BCR: variants seen among roughly 807,000 people sequenced by gnomAD.
The protein encoded by BCR is breakpoint cluster region protein.
A neutral mutation model predicts 138.6 loss-of-function variants in BCR; 58 were observed. The ratio of observed to expected loss-of-function variants is 0.42; its 90% CI spans 0.34 to 0.52. The LOEUF (loss-of-function observed/expected upper bound fraction) is 0.52. BCR is among the 20% of genes least tolerant of loss of function. The probability of loss-of-function intolerance (pLI) is 0.06; values close to 1 mark genes in which losing one functional copy is unlikely to be tolerated. For synonymous variants in BCR, 786 were observed against 730.1 expected (o/e 1.08, Z -1.23); for missense variants, 1,599 against 1,727.2 (o/e 0.93, Z 1.32).
At chr22:23,253,200 G>A (rs1201723691) in intron 1 of BCR, among the ~76,000 whole-genome samples, 4 of 152,308 alleles carry the variant, frequency 2.6e-5, no homozygotes, top group Middle Eastern at 3.4e-3. Flanking sequence ...ATGCCCTCTC[G>A]GGGCACTGCC....
intron 16 of BCR, among the ~76,000 whole-genome samples, chr22:23,305,899 A>G (rs1343628055): frequency 6.6e-6 from 1 of 151,746 alleles, no homozygotes; most frequent in Non-Finnish European, 1.5e-5. Flanking sequence ...TTAAGGGAAA[A>G]CTGTTTCCCC....
intron 2 of BCR, chr22:23,254,419 T>G: frequency 2.0e-6 from 1 of 506,778 alleles, no homozygotes; most frequent in Non-Finnish European, 4.0e-6. Flanking sequence ...CACTTGACCC[T>G]CATTAATAAT....
chr22:23,219,636 A>G (rs2072799613), intron 1 of BCR, among the ~76,000 whole-genome samples: 1 of 152,206 alleles, frequency 6.6e-6, no homozygotes, highest in African/African-American at 2.4e-5. Flanking sequence ...GCTCGTGGGC[A>G]CTGGCGGTGC....
chr22:23,262,140 G>T (rs2073368236), intron 4 of BCR: 1 of 142,194 alleles, frequency 7.0e-6, no homozygotes, highest in East Asian at 2.1e-4. Context: ...ATCACACCCT[G>T]TGTGCACACA....
At chr22:23,233,957 G>A (rs942688881) in intron 1 of BCR, among the ~76,000 whole-genome samples, 3 of 151,904 alleles carry the variant, frequency 2.0e-5, no homozygotes, top group African/African-American at 4.8e-5. Context: ...CTGGGTGGTC[G>A]CTGACCAAAA....
chr22:23,241,759 G>A (rs1411204510), intron 1 of BCR, among the ~76,000 whole-genome samples: 1 of 152,094 alleles, frequency 6.6e-6, no homozygotes, highest in Non-Finnish European at 1.5e-5. Flanking sequence ...AGTGACCATC[G>A]CAGAAGCCCC....
At chr22:23,196,573 C>A (rs1460809935) in intron 1 of BCR, among the ~76,000 whole-genome samples, 2 of 152,132 alleles carry the variant, frequency 1.3e-5, no homozygotes, top group Admixed American at 1.3e-4. Flanking sequence ...CAGTCCCCAG[C>A]CTCCTTTTTG....
At chr22:23,307,779 A>T (rs1043236213) in intron 16 of BCR, 1 of 130,592 alleles carries the variant, frequency 7.7e-6, no homozygotes, top group Non-Finnish European at 1.6e-5. Context: ...GAAGGGGTCA[A>T]CCCCCAGGTG....
chr22:23,284,975 G>C, intron 9 of BCR, 58 bp from the exon 10 acceptor site: 3 of 1,564,912 alleles, frequency 1.9e-6, no homozygotes, highest in South Asian at 2.4e-5. Flanking sequence ...TGACAGCAGT[G>C]ACATCAGCCA....
At chr22:23,297,497 G>A (rs1393927428) in intron 16 of BCR, among the ~76,000 whole-genome samples, 2 of 152,076 alleles carry the variant, frequency 1.3e-5, no homozygotes, top group Admixed American at 6.5e-5. Context: ...GGGAGGTAGA[G>A]GGAGCAGACT....
rs1234536662 is a variant in BCR, at chr22:23,309,297, A to G, written c.3013-127A>G. Reference sequence around the variant, plus strand: ...TCTACCTCTGTTGGCCTCTGGATGGAGGTGCTGGCCGCAGTCGGGCTCTGC... The same window carrying G: ...TCTACCTCTGTTGGCCTCTGGATGGGGGTGCTGGCCGCAGTCGGGCTCTGC... On this transcript the variant is annotated intron_variant, in intron 16 of 22. Coordinates refer to ENST00000305877, the MANE Select transcript of BCR (RefSeq NM_004327.4). The G allele has an allele frequency of 7.0e-6, 6 of 858,146 alleles. No homozygotes were observed. The Admixed American group carries it at 1.3e-4, about 18-fold the overall frequency. 53.2% of individuals were successfully genotyped at this position (858,146 alleles called of 1,614,324 possible).
At chr22:23,282,879 C>T (rs575063079) in intron 8 of BCR, among the ~76,000 whole-genome samples, 4 of 152,212 alleles carry the variant, frequency 2.6e-5, no homozygotes, top group African/African-American at 9.6e-5. Context: ...CTCTCTGCCA[C>T]GAGGTTGTGG....
chr22:23,267,185 T>A (rs554471489), intron 4 of BCR, among the ~76,000 whole-genome samples: 78 of 152,156 alleles, frequency 5.1e-4, no homozygotes, highest in Non-Finnish European at 8.8e-4. Context: ...CCTTGGCTGC[T>A]TTGTACCAAG....
chr22:23,215,999 T>C (rs113419536), intron 1 of BCR, among the ~76,000 whole-genome samples: 9 of 152,298 alleles, frequency 5.9e-5, no homozygotes, highest in African/African-American at 2.2e-4. Flanking sequence ...GCTGAGCTGG[T>C]AATTACCAAG....
At chr22:23,213,087 T>G (rs886803228) in intron 1 of BCR, among the ~76,000 whole-genome samples, 7 of 152,204 alleles carry the variant, frequency 4.6e-5, no homozygotes, top group African/African-American at 1.7e-4. Flanking sequence ...ACCTCCCTTG[T>G]CTAGTTTTGT....
At chr22:23,205,467 G>A (rs1411429574) in intron 1 of BCR, among the ~76,000 whole-genome samples, 2 of 152,158 alleles carry the variant, frequency 1.3e-5, no homozygotes, top group African/African-American at 2.4e-5. Context: ...CTGGAACTTT[G>A]CACTTGGGTT....
intron 1 of BCR, among the ~76,000 whole-genome samples, chr22:23,201,862 G>T (rs1360845743): frequency 6.6e-6 from 1 of 152,144 alleles, no homozygotes; most frequent in Non-Finnish European, 1.5e-5. Flanking sequence ...GTTTTGAAAG[G>T]CTGGCATCTC....
chr22:23,236,054 C>T (rs1441852669), intron 1 of BCR, among the ~76,000 whole-genome samples: 1 of 152,212 alleles, frequency 6.6e-6, no homozygotes, highest in Non-Finnish European at 1.5e-5. Context: ...GCTGCTGGAC[C>T]TTGCATATGG....
At chr22:23,282,298 C>T (rs1335340478) in intron 8 of BCR, among the ~76,000 whole-genome samples, 1 of 152,230 alleles carries the variant, frequency 6.6e-6, no homozygotes, top group Non-Finnish European at 1.5e-5. Context: ...CCGTGGGTGC[C>T]GTCACCAGGC....
Sources: gnomAD v4.1 joint callset for allele counts (sites outside exome capture counted in the v4.1 genomes callset) on GRCh38, gnomAD v4.1.1 for gene constraint, MANE v1.5 for transcripts, NCBI Gene and HGNC (gene_info 2026-07-23, HGNC 2026-07-21) for gene names.